The following PPP1R12B variants were observed in gnomAD, a reference collection of about 807,000 sequenced individuals.
PPP1R12B encodes the protein myosin phosphatase target subunit 2.
PPP1R12B carries 76 observed loss-of-function variants against 126.1 expected under a neutral mutation model. The observed-to-expected ratio is 0.60, with a 90% CI of 0.50 to 0.73. PPP1R12B has a LOEUF of 0.73. Among genes scored for constraint, PPP1R12B ranks in the 30% least tolerant of loss-of-function variants. The pLI is 0.00. For missense variants in PPP1R12B, 1,052 were observed against 1,205.1 expected (o/e 0.87, Z 1.88); for synonymous variants, 356 against 434.7 (o/e 0.82, Z 2.25).
intron 18 of PPP1R12B, among the ~76,000 whole-genome samples, chr1:202,535,233 T>C (rs1429347394): frequency 6.6e-6 from 1 of 152,152 alleles, no homozygotes; most frequent in Non-Finnish European, 1.5e-5. Context: ...TGACCTCAAA[T>C]ACACACCCTT....
chr1:202,393,638 A>G (rs1426188733), intron 1 of PPP1R12B, among the ~76,000 whole-genome samples: 1 of 152,202 alleles, frequency 6.6e-6, no homozygotes, highest in Non-Finnish European at 1.5e-5. Context: ...GTACAGAAAG[A>G]TGTATGTACA....
intron 18 of PPP1R12B, among the ~76,000 whole-genome samples, chr1:202,548,804 CTCTCTATATATA>C (rs1435411334): frequency 0.015 from 1,194 of 82,228 alleles, 4 homozygotes; most frequent in Non-Finnish European, 0.024. Context: ...CTCTCTCTCT[CTCTCTATATATA>C]TATATATATA....
rs1553332137 is a variant in PPP1R12B, at chr1:202,588,846, G to GATAGATAGATAGAT, written c.*8288_*8301dup. ...CGTAAGATAGATAGATAGATAGATA[G>GATAGATAGATAGAT]ATAGATAGATAGATAGATAGATAGA... is the stretch of plus-strand genomic sequence containing the variant. On this transcript the variant is annotated 3_prime_UTR_variant, in exon 24 of 24. Transcript: ENST00000608999. 20 of 144,676 alleles carry GATAGATAGATAGAT rather than the reference G, an allele frequency of 1.4e-4. No individual in the cohort carries two copies. Among genetic ancestry groups the GATAGATAGATAGAT allele is most frequent in the Non-Finnish European group, 1.8e-4 (12 of 67,440 alleles). The allele number at this position is 144,676 out of a possible 1,614,324, so 9.0% of individuals were successfully genotyped here.
At chr1:202,396,917 C>T (rs1293871886) in intron 1 of PPP1R12B, among the ~76,000 whole-genome samples, 2 of 152,182 alleles carry the variant, frequency 1.3e-5, no homozygotes, top group African/African-American at 4.8e-5. Flanking sequence ...CCATTTAAGG[C>T]TAATCCTTCT....
intron 23 of PPP1R12B, chr1:202,574,947 G>C: frequency 6.6e-7 from 1 of 1,505,878 alleles, no homozygotes; most frequent in Non-Finnish European, 9.2e-7. Flanking sequence ...CCTCTGGTCT[G>C]TCTTGTCTCT....
intron 18 of PPP1R12B, among the ~76,000 whole-genome samples, chr1:202,554,126 C>A (rs1210940261): frequency 1.3e-5 from 2 of 152,116 alleles, no homozygotes; most frequent in Non-Finnish European, 2.9e-5. Context: ...TTTCATCAAA[C>A]CCCGGATTAT....
Position 202,582,309 on chromosome 1 carries a change from C to A in PPP1R12B, c.*1749C>A, listed in dbSNP as rs1004871262. ...ATCATGTCCAGGCCTGGAAAGAATA[C>A]AAATCCAGTGCAAAATTAAACCATT... On this transcript the variant is annotated 3_prime_UTR_variant, in exon 24 of 24. Coordinates refer to ENST00000608999, the MANE Select transcript of PPP1R12B (RefSeq NM_002481.4). The A allele has an allele frequency of 6.6e-6, 1 of 152,648 alleles. No individual in the cohort carries two copies. The highest frequency in any genetic ancestry group is 2.1e-4 in the South Asian group (1 of 4,834). 9.5% of individuals were successfully genotyped at this position (152,648 alleles called of 1,614,324 possible).
intron 8 of PPP1R12B, among the ~76,000 whole-genome samples, 188 bp from the exon 9 acceptor site, chr1:202,434,468 A>G (rs1362155117): frequency 6.6e-6 from 1 of 152,228 alleles, no homozygotes; most frequent in African/African-American, 2.4e-5. Context: ...TGGGAATAAC[A>G]TTGAGTTTAT....
In PPP1R12B at chr1:202,449,101, G is replaced by T. The variant is rs1672618601; in HGVS notation, c.1780G>T (p.Gly594Trp). The T allele has an allele frequency of 3.7e-6, 6 of 1,613,674 alleles. No homozygotes were observed. Among genetic ancestry groups the T allele is most frequent in the Non-Finnish European group, 5.1e-6 (6 of 1,179,826 alleles). Residue 594 changes from glycine (G) to tryptophan (W), a missense_variant, in exon 13 of 24, where the codon GGG (glycine) becomes TGG (tryptophan). Physicochemically the swap from Gly to Trp is radical, Grantham distance 184 (BLOSUM62 -2). Coordinates refer to ENST00000608999, the MANE Select transcript of PPP1R12B (RefSeq NM_002481.4). ...TNRPLPSTAN[G>W]VTATPVLSIT... ...TCGCCCTCTTCCTAGCACTGCCAATGGGGTTACAGCTACTCCTGTGCTCTC... is the reference window on the plus strand; with the variant it reads ...TCGCCCTCTTCCTAGCACTGCCAATTGGGTTACAGCTACTCCTGTGCTCTC...
At chr1:202,360,946 A>G (rs1658080419) in intron 1 of PPP1R12B, among the ~76,000 whole-genome samples, 2 of 148,450 alleles carry the variant, frequency 1.3e-5, no homozygotes, top group Non-Finnish European at 3.0e-5. Context: ...GCTAGAAGAC[A>G]GTGGCGCGAT....
intron 18 of PPP1R12B, among the ~76,000 whole-genome samples, chr1:202,538,517 A>C (rs1337987538): frequency 6.6e-6 from 1 of 152,230 alleles, no homozygotes; most frequent in Non-Finnish European, 1.5e-5. Flanking sequence ...TAATCATAGG[A>C]ATAAAGAAGT....
chr1:202,573,310 C>T (rs1688784448), intron 23 of PPP1R12B, among the ~76,000 whole-genome samples: 1 of 152,148 alleles, frequency 6.6e-6, no homozygotes, highest in South Asian at 2.1e-4. Flanking sequence ...GGCTAGCCTA[C>T]CTTTATTCCA....
chr1:202,494,837 G>C (rs1205200659), intron 15 of PPP1R12B, among the ~76,000 whole-genome samples: 3 of 152,178 alleles, frequency 2.0e-5, no homozygotes, highest in African/African-American at 7.2e-5. Flanking sequence ...GAACTCGGTA[G>C]GATACTCACA....
intron 13 of PPP1R12B, among the ~76,000 whole-genome samples, chr1:202,450,673 G>A (rs1310814738): frequency 1.3e-5 from 2 of 152,168 alleles, no homozygotes; most frequent in African/African-American, 4.8e-5. Context: ...GTTCACTGTA[G>A]ATGTATGGAT....
At chr1:202,354,358 C>G (rs926310039) in intron 1 of PPP1R12B, among the ~76,000 whole-genome samples, 4 of 152,096 alleles carry the variant, frequency 2.6e-5, no homozygotes, top group African/African-American at 9.7e-5. Context: ...ATCACTTGAG[C>G]TCAGGAGTTT....
chr1:202,549,821 G>A (rs928506087), intron 18 of PPP1R12B, among the ~76,000 whole-genome samples: 3 of 152,024 alleles, frequency 2.0e-5, no homozygotes, highest in East Asian at 1.9e-4. Flanking sequence ...TGTAATTGTC[G>A]ATTTTATTCC....
chr1:202,356,821 CTTTT>C (rs532654783), intron 1 of PPP1R12B, among the ~76,000 whole-genome samples: 1 of 139,798 alleles, frequency 7.2e-6, no homozygotes, highest in Non-Finnish European at 1.6e-5. Flanking sequence ...TGATTTCAGA[CTTTT>C]TTTTTTTTTT....
chr1:202,355,944 A>C (rs1292468230), intron 1 of PPP1R12B, among the ~76,000 whole-genome samples: 2 of 152,016 alleles, frequency 1.3e-5, no homozygotes, highest in African/African-American at 4.8e-5. Context: ...CCAAGGCGGG[A>C]GGATTGCTGG....
At chr1:202,533,617 CTGACCT>C (rs1489705082) in intron 18 of PPP1R12B, among the ~76,000 whole-genome samples, 3 of 152,174 alleles carry the variant, frequency 2.0e-5, no homozygotes. Context: ...TCACGCCTGG[CTGACCT>C]TGATATTTTT....
Sources: allele counts gnomAD v4.1 joint callset (sites outside exome capture counted in the v4.1 genomes callset), GRCh38; gene constraint gnomAD v4.1.1; transcripts MANE v1.5; gene names NCBI Gene and HGNC (gene_info 2026-07-23, HGNC 2026-07-21).